The following SUGP1 variants were observed in gnomAD, a reference collection of about 807,000 sequenced individuals.
The protein encoded by SUGP1 is SURP and G-patch domain-containing protein 1.
A neutral mutation model predicts 76.5 loss-of-function variants in SUGP1; 34 were observed. The ratio of observed to expected loss-of-function variants is 0.44; its 90% CI spans 0.34 to 0.59. The LOEUF (loss-of-function observed/expected upper bound fraction) is 0.59, where lower values mean the gene tolerates loss of function less well. Among genes scored for constraint, SUGP1 ranks in the 20% least tolerant of loss-of-function variants. The pLI is 0.01. For missense variants in SUGP1, 752 were observed against 851.7 expected (o/e 0.88, Z 1.46); for synonymous variants, 326 against 326.2 (o/e 1.00, Z 0.01).
At chr19:19,311,499 G>A (rs2061352754) in intron 2 of SUGP1, among the ~76,000 whole-genome samples, 1 of 151,796 alleles carries the variant, frequency 6.6e-6, no homozygotes, top group Admixed American at 6.6e-5. Flanking sequence ...AGGCCGAGGT[G>A]GGCGGATCAC....
chr19:19,279,501 C>T, intron 9 of SUGP1, 111 bp from the exon 10 acceptor site: 2 of 1,214,218 alleles, frequency 1.6e-6, no homozygotes, highest in Non-Finnish European at 2.3e-6. Flanking sequence ...CGTGGCTCAT[C>T]TGGACCCCTG....
chr19:19,282,075 G>A (rs1017958200), intron 8 of SUGP1, among the ~76,000 whole-genome samples: 1 of 152,166 alleles, frequency 6.6e-6, no homozygotes, highest in African/African-American at 2.4e-5. Flanking sequence ...CGCCTCCCAG[G>A]ATCAAGCAAT....
intron 8 of SUGP1, among the ~76,000 whole-genome samples, chr19:19,281,726 G>A (rs1193876659): frequency 3.3e-5 from 5 of 152,212 alleles, no homozygotes; most frequent in Non-Finnish European, 5.9e-5. Context: ...TGATGTTTCT[G>A]CTCCACAGTG....
Position 19,320,482 on chromosome 19 carries a change from C to T in SUGP1, c.15G>A (p.Met5Ile), listed in dbSNP as rs755030919. The T allele has an allele frequency of 6.2e-7, 1 of 1,610,014 alleles. No homozygotes were observed. The highest frequency in any genetic ancestry group is 1.1e-5 in the South Asian group (1 of 89,700). Residue 5 changes from methionine (M) to isoleucine (I), a missense_variant, in exon 1 of 14, where the codon ATG (methionine) becomes ATA (isoleucine). Coordinates refer to ENST00000247001, the MANE Select transcript of SUGP1 (RefSeq NM_172231.4). ...TGTTACCTGCAACATCCCGGTTGTC[C>T]ATCTTGAGACTCATCCAATCCCACA... MSLK[M>I]DNRDVAGKAN...
intron 4 of SUGP1, 176 bp downstream of exon 4, chr19:19,305,673 T>G: frequency 1.7e-6 from 1 of 582,202 alleles, no homozygotes; most frequent in Non-Finnish European, 2.9e-6. Context: ...GCCCCGCCCC[T>G]CACCCTCCTT....
chr19:19,320,332 C>T, intron 1 of SUGP1, 131 bp downstream of exon 1: 4 of 987,244 alleles, frequency 4.1e-6, no homozygotes, highest in Non-Finnish European at 5.7e-6. Flanking sequence ...GTGCAGAAGC[C>T]GACGCTGTGG....
intron 8 of SUGP1, among the ~76,000 whole-genome samples, chr19:19,285,816 C>T (rs1297968916): frequency 3.3e-5 from 5 of 152,050 alleles, no homozygotes; most frequent in Middle Eastern, 3.4e-3. Flanking sequence ...CCGCCCACCT[C>T]GGCCTCCCAA....
chr19:19,294,510 C>CAAA (rs58011841), intron 8 of SUGP1, among the ~76,000 whole-genome samples: 18,525 of 89,660 alleles, frequency 0.21, 1,740 homozygotes, highest in Middle Eastern at 0.32. Context: ...GAGTGAGACT[C>CAAA]AAAAAAAAAA....
Position 19,276,577 on chromosome 19 carries a change from GA to G in SUGP1, c.*70del. On this transcript the variant is annotated 3_prime_UTR_variant, in exon 14 of 14. Transcript: ENST00000247001. ...CTCGTGACAACGGAAGGGGTGGGCA[GA>G]AATGCAGGCCGGAACATTCCACAGT... 1 of 1,595,266 alleles carries G rather than the reference GA, an allele frequency of 6.3e-7. No individual in the cohort carries two copies. The highest frequency in any genetic ancestry group is 8.6e-7 in the Non-Finnish European group (1 of 1,164,020).
At chr19:19,288,118 T>C (rs990827140) in intron 8 of SUGP1, among the ~76,000 whole-genome samples, 2 of 152,158 alleles carry the variant, frequency 1.3e-5, no homozygotes, top group South Asian at 2.1e-4. Context: ...GATCATGCCA[T>C]TGCACTACAG....
chr19:19,287,101 CCT>C (rs988037029), intron 8 of SUGP1, among the ~76,000 whole-genome samples: 30 of 152,068 alleles, frequency 2.0e-4, no homozygotes, highest in African/African-American at 6.8e-4. Context: ...ATGGTGAAAC[CCT>C]GTCTCTACCA....
chr19:19,278,642 G>C lies in SUGP1; in HGVS notation c.1635+48C>G, dbSNP rs749604951. On this transcript the variant is annotated intron_variant, in intron 11 of 13. Transcript: ENST00000247001. ...CCTGCAGGGTGAGGCAGCTACAGGA[G>C]GGGCTGGCATGTGGCAGAGGCTGGA... 11 of 1,536,736 alleles carry C rather than the reference G, an allele frequency of 7.2e-6. No homozygotes were observed. In the South Asian group the frequency reaches 1.3e-4, roughly 18 times the overall value.
In SUGP1 at chr19:19,277,067, G is replaced by T; in HGVS notation, c.1791C>A (p.Thr597=). 6.2e-7 allele frequency: 1 copy of T among 1,610,506 alleles called. No individual in the cohort carries two copies. ...TGCCGAAGCCAGCGCCGTCCACTGT[G>T]GTGGTGCCCCTACAGGGAGAAGAGG... The part of the protein sequence containing the change: ...GIKNPVNKGT[T]TVDGAGFGID... The change falls in exon 13 of 14, where the codon ACC becomes ACA. Residue 597 remains threonine, a synonymous_variant. Transcript: ENST00000247001.
intron 8 of SUGP1, among the ~76,000 whole-genome samples, chr19:19,288,669 T>C (rs945466154): frequency 1.3e-5 from 2 of 152,086 alleles, no homozygotes; most frequent in Admixed American, 6.5e-5. Context: ...GGTGGAAGGA[T>C]AGCTTGAGCT....
At chr19:19,297,400 A>AGTCTGGGCAGGAGCAGTTCTGGCC in intron 7 of SUGP1, 56 bp from the exon 8 acceptor site, 4 of 1,349,524 alleles carry the variant, frequency 3.0e-6, no homozygotes, top group Non-Finnish European at 4.0e-6. Context: ...CCTGTCCCTG[A>AGTCTGGGCAGGAGCAGTTCTGGCC]TTCTGGGCAG....
At chr19:19,316,236 C>T (rs2061393102) in intron 2 of SUGP1, 186 bp downstream of exon 2, 1 of 709,516 alleles carries the variant, frequency 1.4e-6, no homozygotes, top group Non-Finnish European at 2.3e-6. Context: ...GTCCTCTGGG[C>T]TTCCACATAC....
chr19:19,285,255 T>A (rs879574652), intron 8 of SUGP1, among the ~76,000 whole-genome samples: 2 of 152,026 alleles, frequency 1.3e-5, no homozygotes, highest in Non-Finnish European at 2.9e-5. Context: ...AACCTCCGCC[T>A]CCTGGGTTCA....
chr19:19,318,940 C>T (rs962251897), intron 1 of SUGP1, among the ~76,000 whole-genome samples: 2 of 152,072 alleles, frequency 1.3e-5, no homozygotes, highest in Admixed American at 6.6e-5. Context: ...AAGTCTGAGC[C>T]GGGCATGGTG....
chr19:19,279,074 T>C, intron 10 of SUGP1, 139 bp downstream of exon 10: 1 of 1,014,726 alleles, frequency 9.9e-7, no homozygotes, highest in Non-Finnish European at 1.4e-6. Flanking sequence ...ACTCCAGGCC[T>C]CACAGCCACA....
Sources: allele counts gnomAD v4.1 joint callset (sites outside exome capture counted in the v4.1 genomes callset), GRCh38; gene constraint gnomAD v4.1.1; transcripts MANE v1.5; gene names NCBI Gene and HGNC (gene_info 2026-07-23, HGNC 2026-07-21).